CRACDL: variants seen among roughly 807,000 people sequenced by gnomAD.
The protein encoded by CRACDL is CRACD-like protein.
In CRACDL, 26 loss-of-function variants were observed where a neutral mutation model predicts 70.6. The observed-to-expected ratio is 0.37, with a 90% CI of 0.27 to 0.51. The LOEUF (loss-of-function observed/expected upper bound fraction) is 0.51, where lower values mean the gene tolerates loss of function less well. Ranked by LOEUF, CRACDL falls within the 20% of genes least tolerant of loss-of-function variation. The pLI, the probability that CRACDL is intolerant of heterozygous loss-of-function variation, is 0.94. For synonymous variants in CRACDL, 618 were observed against 615.2 expected, an observed-to-expected ratio of 1.00 and a Z score of -0.07; for missense variants, 1,283 against 1,376.9, an observed-to-expected ratio of 0.93 and a Z score of 1.08.
At chr2:98,873,235 C>A (rs1707397914) in intron 1 of CRACDL, among the ~76,000 whole-genome samples, 1 of 152,222 alleles carries the variant, frequency 6.6e-6, no homozygotes, top group Admixed American at 6.5e-5. Context: ...CTATGAGGGG[C>A]AATTTCTGTC....
chr2:98,899,951 AT>A (rs2104653648), intron 1 of CRACDL, among the ~76,000 whole-genome samples: 1 of 113,814 alleles, frequency 8.8e-6, no homozygotes, highest in Non-Finnish European at 1.8e-5. Flanking sequence ...GGGGAGGCAG[AT>A]GGACAGAGGC....
chr2:98,881,982 G>A (rs1707664375), intron 1 of CRACDL, among the ~76,000 whole-genome samples: 1 of 152,212 alleles, frequency 6.6e-6, no homozygotes, highest in Non-Finnish European at 1.5e-5. Flanking sequence ...CCTGGGGGAG[G>A]ACCTGGGAAC....
At chr2:98,816,701 C>T (rs1704796722) in intron 7 of CRACDL, among the ~76,000 whole-genome samples, 1 of 152,054 alleles carries the variant, frequency 6.6e-6, no homozygotes, top group Non-Finnish European at 1.5e-5. Flanking sequence ...TTAAGACACA[C>T]ATGGTTGAGG....
At chr2:98,843,588 T>A (rs554042650) in intron 2 of CRACDL, among the ~76,000 whole-genome samples, 1 of 152,332 alleles carries the variant, frequency 6.6e-6, no homozygotes, top group South Asian at 2.1e-4. Context: ...TGCATATGAA[T>A]GTCCAATTGT....
intron 6 of CRACDL, among the ~76,000 whole-genome samples, chr2:98,826,185 A>G (rs1424450849): frequency 6.6e-6 from 1 of 152,190 alleles, no homozygotes; most frequent in Non-Finnish European, 1.5e-5. Flanking sequence ...TTCTAGGACT[A>G]GGAGGTAACG....
At chr2:98,855,051 A>G (rs1368699043) in intron 1 of CRACDL, among the ~76,000 whole-genome samples, 1 of 152,226 alleles carries the variant, frequency 6.6e-6, no homozygotes, top group African/African-American at 2.4e-5. Flanking sequence ...ACACTTTGGG[A>G]GCCCAAGGCA....
chr2:98,878,370 C>T (rs7565510), intron 1 of CRACDL, among the ~76,000 whole-genome samples: 59,569 of 152,080 alleles, frequency 0.39, 12,509 homozygotes, highest in African/African-American at 0.54. Flanking sequence ...ACAAACTTAC[C>T]ATTGTATTAC....
intron 2 of CRACDL, among the ~76,000 whole-genome samples, chr2:98,844,653 T>C (rs945466700): frequency 2.6e-5 from 4 of 152,268 alleles, no homozygotes; most frequent in Non-Finnish European, 4.4e-5. Flanking sequence ...CTTCGACATA[T>C]GGATTTGGTG....
chr2:98,825,453 A>G (rs1400631255), intron 6 of CRACDL, among the ~76,000 whole-genome samples: 1 of 152,248 alleles, frequency 6.6e-6, no homozygotes, highest in East Asian at 1.9e-4. Flanking sequence ...CCCAGATGGG[A>G]GCAAGAAGGG....
At chr2:98,804,001 G>A (rs752405618) in intron 7 of CRACDL, among the ~76,000 whole-genome samples, 15 of 152,112 alleles carry the variant, frequency 9.9e-5, no homozygotes, top group South Asian at 2.1e-4. Flanking sequence ...CAGCTTGAGG[G>A]GTTTTGCTTT....
chr2:98,856,913 T>C (rs1706723892), intron 1 of CRACDL, among the ~76,000 whole-genome samples: 1 of 152,198 alleles, frequency 6.6e-6, no homozygotes, highest in Admixed American at 6.5e-5. Flanking sequence ...CTCATGATTC[T>C]TTTATTAGGA....
chr2:98,914,774 C>T (rs1404874155), intron 1 of CRACDL, among the ~76,000 whole-genome samples: 2 of 152,176 alleles, frequency 1.3e-5, no homozygotes, highest in South Asian at 2.1e-4. Flanking sequence ...TGAGGCTGGG[C>T]GGCTCCGGGC....
intron 1 of CRACDL, among the ~76,000 whole-genome samples, chr2:98,914,628 C>A (rs957938271): frequency 6.6e-5 from 10 of 152,336 alleles, no homozygotes; most frequent in South Asian, 2.1e-4. Flanking sequence ...CCCTGCCCCC[C>A]ACCAGCCTTC....
chr2:98,850,813 C>T (rs1706452166), intron 1 of CRACDL, among the ~76,000 whole-genome samples: 1 of 152,160 alleles, frequency 6.6e-6, no homozygotes, highest in African/African-American at 2.4e-5. Context: ...GGGGGCCGCC[C>T]CACTCCCTCT....
chr2:98,855,734 G>T (rs1706673778), intron 1 of CRACDL, among the ~76,000 whole-genome samples: 1 of 152,166 alleles, frequency 6.6e-6, no homozygotes, highest in African/African-American at 2.4e-5. Flanking sequence ...CATGCTTAAA[G>T]AGTTAAAAGA....
At chr2:98,915,936 T>C (rs530963598) in intron 1 of CRACDL, among the ~76,000 whole-genome samples, 1 of 152,162 alleles carries the variant, frequency 6.6e-6, no homozygotes, top group South Asian at 2.1e-4. Flanking sequence ...GTTTGACGAA[T>C]GACAGCCCAG....
chr2:98,823,257 G>C lies in CRACDL; in HGVS notation c.1016C>G (p.Pro339Arg). 7.1e-7 allele frequency: 1 copy of C among 1,406,040 alleles called. No individual in the cohort carries two copies. The highest frequency in any genetic ancestry group is 1.5e-5 in the South Asian group (1 of 64,636). The allele number at this position is 1,406,040 out of a possible 1,614,324, so 87.1% of individuals were successfully genotyped here. ...GEDPSSRPAT[P>R]ELAEPESAPT... ...GGCCGACTCGGGCTCGGCGAGCTCCGGGGTGGCCGGGCGGCTTGAGGGGTC... is the reference window on the plus strand; with the variant it reads ...GGCCGACTCGGGCTCGGCGAGCTCCCGGGTGGCCGGGCGGCTTGAGGGGTC... The change falls in exon 7 of 10, where the codon CCG (proline) becomes CGG (arginine). Residue 339 changes from proline to arginine, a missense_variant. This residue lies in a region of CRACDL where 362 missense variants were observed against 495.0 expected (regional missense o/e 0.73). Coordinates refer to ENST00000397899, the MANE Select transcript of CRACDL (RefSeq NM_207362.3). This position sits in a 1 kb window ranked among gnomAD's most constrained non-coding sequence, Gnocchi z 4.0.
chr2:98,896,100 T>A (rs1708116699), intron 1 of CRACDL, among the ~76,000 whole-genome samples: 1 of 152,106 alleles, frequency 6.6e-6, no homozygotes, highest in Non-Finnish European at 1.5e-5. Context: ...AGTGGGGGGC[T>A]GTGGCAGGAG....
chr2:98,822,694 G>A lies in CRACDL; in HGVS notation c.1579C>T (p.Pro527Ser). ...GCGGCCTCTGCGTCGAGGGAACCGG[G>A]GCCGGGCTCCACCGGGGGAGACTCC... Reference protein sequence around the residue: ...AAESPPVEPGPGSLDAEAAAP... With the variant: ...AAESPPVEPGSGSLDAEAAAP... Residue 527 changes from proline to serine, a missense_variant, in exon 7 of 10, where the codon CCC becomes TCC. Transcript: ENST00000397899. The surrounding 1 kb of genome is among the most constrained non-coding windows in gnomAD (Gnocchi z 4.9). 5 of 1,266,886 alleles carry A rather than the reference G, an allele frequency of 3.9e-6. No homozygotes were observed. The allele number at this position is 1,266,886 out of a possible 1,614,324, so 78.5% of individuals were successfully genotyped here.
Sources: allele counts gnomAD v4.1 joint callset (sites outside exome capture counted in the v4.1 genomes callset), GRCh38; gene constraint gnomAD v4.1.1; regional missense constraint gnomAD v4.1.1; non-coding constraint Gnocchi (gnomAD v3.1); transcripts MANE v1.5; gene names NCBI Gene and HGNC (gene_info 2026-07-23, HGNC 2026-07-21).